Variants in PDE3B observed in about 807,000 individuals in gnomAD.
PDE3B encodes the protein phosphodiesterase 3B.
In PDE3B, 66 loss-of-function variants were observed where a neutral mutation model predicts 116.8. The ratio of observed to expected loss-of-function variants is 0.56; its 90% CI spans 0.46 to 0.69. The LOEUF (loss-of-function observed/expected upper bound fraction) is 0.69. Among genes scored for constraint, PDE3B ranks in the 30% least tolerant of loss-of-function variants. The pLI is 0.00. For synonymous variants in PDE3B, 595 were observed against 533.6 expected, an observed-to-expected ratio of 1.12 and a Z score of -1.59; for missense variants, 1,384 against 1,368.1, an observed-to-expected ratio of 1.01 and a Z score of -0.18.
chr11:14,756,192 T>G (rs1274489095), intron 1 of PDE3B, among the ~76,000 whole-genome samples: 3 of 152,188 alleles, frequency 2.0e-5, no homozygotes, highest in African/African-American at 7.2e-5. Context: ...TGCTGGATAC[T>G]AAGAATGATA....
At chr11:14,802,721 A>G (rs941534280) in intron 4 of PDE3B, among the ~76,000 whole-genome samples, 1 of 152,220 alleles carries the variant, frequency 6.6e-6, no homozygotes, top group African/African-American at 2.4e-5. Flanking sequence ...AATCAAAAGG[A>G]TAAGAATCCA....
At chr11:14,681,955 C>T (rs1854723312) in intron 1 of PDE3B, among the ~76,000 whole-genome samples, 1 of 152,118 alleles carries the variant, frequency 6.6e-6, no homozygotes, top group South Asian at 2.1e-4. Flanking sequence ...GACTGGAAGC[C>T]TTACCATCAA....
At chr11:14,753,468 T>C (rs890073543) in intron 1 of PDE3B, among the ~76,000 whole-genome samples, 1 of 152,146 alleles carries the variant, frequency 6.6e-6, no homozygotes, top group Non-Finnish European at 1.5e-5. Flanking sequence ...TCATTTGGTG[T>C]GTGAAGTTGA....
intron 12 of PDE3B, among the ~76,000 whole-genome samples, chr11:14,851,130 C>T (rs766676995): frequency 3.5e-4 from 53 of 151,978 alleles, no homozygotes; most frequent in Non-Finnish European, 7.2e-4. Context: ...GCCCTAAATA[C>T]GTGGTTTTAA....
intron 1 of PDE3B, among the ~76,000 whole-genome samples, chr11:14,695,346 T>G (rs753809192): frequency 6.6e-6 from 1 of 152,108 alleles, no homozygotes; most frequent in African/African-American, 2.4e-5. Flanking sequence ...TTATTCATTT[T>G]CTAGTTTATG....
intron 1 of PDE3B, among the ~76,000 whole-genome samples, chr11:14,705,796 C>T (rs1012068078): frequency 8.6e-5 from 13 of 151,644 alleles, no homozygotes; most frequent in Non-Finnish European, 1.6e-4. Flanking sequence ...AGCTCATTTA[C>T]AAATAAAATA....
chr11:14,705,669 T>C (rs183337771), intron 1 of PDE3B, among the ~76,000 whole-genome samples: 3 of 151,984 alleles, frequency 2.0e-5, no homozygotes, highest in African/African-American at 4.8e-5. Context: ...TTAGGAACAC[T>C]AAGTTGGACA....
At chr11:14,721,926 TAAA>T (rs1200588371) in intron 1 of PDE3B, among the ~76,000 whole-genome samples, 104 of 116,508 alleles carry the variant, frequency 8.9e-4, no homozygotes, top group African/African-American at 3.0e-3. Flanking sequence ...AAAGTATAAT[TAAA>T]AAAAAAAAAA....
intron 1 of PDE3B, among the ~76,000 whole-genome samples, chr11:14,706,007 A>G (rs955530113): frequency 6.6e-6 from 1 of 151,896 alleles, no homozygotes; most frequent in African/African-American, 2.4e-5. Context: ...AACTTGTTTT[A>G]TATGTGTTCA....
At chr11:14,858,617 C>CA (rs1365005708) in intron 12 of PDE3B, among the ~76,000 whole-genome samples, 1 of 152,174 alleles carries the variant, frequency 6.6e-6, no homozygotes, top group Admixed American at 6.5e-5. Flanking sequence ...TCACCATCAC[C>CA]ATTGACTCCA....
chr11:14,794,347 C>T (rs1429551769), intron 4 of PDE3B, among the ~76,000 whole-genome samples: 8 of 148,202 alleles, frequency 5.4e-5, no homozygotes, highest in Non-Finnish European at 1.0e-4. Context: ...GACAGAGTCT[C>T]ACTCTGTTGC....
At chr11:14,738,963 C>A (rs1565116086) in intron 1 of PDE3B, among the ~76,000 whole-genome samples, 1 of 152,120 alleles carries the variant, frequency 6.6e-6, no homozygotes, top group Non-Finnish European at 1.5e-5. Context: ...TGGTCGATAT[C>A]TCTGTTTTGG....
At chr11:14,733,645 A>G (rs1856520675) in intron 1 of PDE3B, among the ~76,000 whole-genome samples, 1 of 152,216 alleles carries the variant, frequency 6.6e-6, no homozygotes, top group South Asian at 2.1e-4. Flanking sequence ...TCATGAAGTT[A>G]GATACAGGCT....
intron 1 of PDE3B, among the ~76,000 whole-genome samples, chr11:14,734,330 C>G (rs1393090434): frequency 6.6e-6 from 1 of 152,204 alleles, no homozygotes; most frequent in Non-Finnish European, 1.5e-5. Context: ...CTCCAGCTCC[C>G]AAAGTGCTGG....
At chr11:14,648,148 A>G (rs1441857135) in intron 1 of PDE3B, among the ~76,000 whole-genome samples, 2 of 152,052 alleles carry the variant, frequency 1.3e-5, no homozygotes, top group Non-Finnish European at 1.5e-5. Context: ...TTTTAATTGC[A>G]TATTCTACAG....
chr11:14,819,725 A>G (rs750323737), intron 7 of PDE3B, among the ~76,000 whole-genome samples: 13 of 152,162 alleles, frequency 8.5e-5, no homozygotes, highest in Non-Finnish European at 1.5e-4. Flanking sequence ...GGCAGCTAGA[A>G]AAGGTGGATG....
chr11:14,748,608 C>A (rs1051736667), intron 1 of PDE3B, among the ~76,000 whole-genome samples: 1 of 151,848 alleles, frequency 6.6e-6, no homozygotes, highest in Non-Finnish European at 1.5e-5. Context: ...AAATTCTGAC[C>A]CAAATAGCAG....
intron 1 of PDE3B, among the ~76,000 whole-genome samples, chr11:14,715,148 A>G (rs1422647653): frequency 6.6e-6 from 1 of 152,354 alleles, no homozygotes; most frequent in East Asian, 1.9e-4. Context: ...CATGTAACAA[A>G]TGAAGTGAGA....
At chr11:14,745,208 A>T (rs1466908156) in intron 1 of PDE3B, among the ~76,000 whole-genome samples, 1 of 152,306 alleles carries the variant, frequency 6.6e-6, no homozygotes, top group East Asian at 1.9e-4. Flanking sequence ...TTACAAAAAT[A>T]ATTTTTTTCT....
Sources: gnomAD v4.1 joint callset for allele counts (sites outside exome capture counted in the v4.1 genomes callset) on GRCh38, gnomAD v4.1.1 for gene constraint, MANE v1.5 for transcripts, NCBI Gene and HGNC (gene_info 2026-07-23, HGNC 2026-07-21) for gene names.